CYBC1: variants seen among roughly 807,000 people sequenced by gnomAD.
CYBC1 encodes cytochrome b-245 chaperone 1.
In CYBC1, 22 loss-of-function variants were observed where a neutral mutation model predicts 21.7. The observed-to-expected ratio is 1.02, with a 90% CI of 0.73 to 1.45. The LOEUF (loss-of-function observed/expected upper bound fraction) is 1.45. Among genes scored for constraint, CYBC1 ranks in the 40% most tolerant of loss-of-function variants. CYBC1 has a pLI of 0.00. For missense variants in CYBC1, 237 were observed against 242.1 expected, an observed-to-expected ratio of 0.98 and a Z score of 0.14; for synonymous variants, 112 against 98.7, an observed-to-expected ratio of 1.13 and a Z score of -0.80.
Position 82,442,963 on chromosome 17 carries a change from T to G in CYBC1, c.*1041A>C. On this transcript the variant is annotated 3_prime_UTR_variant, in exon 7 of 7. Coordinates refer to ENST00000306645, the MANE Select transcript of CYBC1 (RefSeq NM_001033046.4). The surrounding 1 kb of genome is among the most constrained non-coding windows in gnomAD (Gnocchi z 6.8). The stretch of plus-strand genomic sequence containing the variant: ...GTCAGGATGGTTGGCGTTCAGCTCC[T>G]ACGGGGTGGGGAGAAGTCTGTAGCC... 1 of 217,884 alleles carries G rather than the reference T, an allele frequency of 4.6e-6. No individual in the cohort carries two copies. The allele number at this position is 217,884 out of a possible 1,614,324, so 13.5% of individuals were successfully genotyped here.
intron 4 of CYBC1, 30 bp downstream of exon 4, chr17:82,446,593 G>C (rs972878530): frequency 6.2e-7 from 1 of 1,609,652 alleles, no homozygotes. Context: ...AACAGCCCTG[G>C]ACTCTGTCCC....
chr17:82,446,531 C>T, intron 4 of CYBC1, 92 bp downstream of exon 4: 1 of 1,312,030 alleles, frequency 7.6e-7, no homozygotes, highest in Middle Eastern at 1.8e-4. Flanking sequence ...CGCTAGGCCA[C>T]CCAGGGCCCT....
intron 2 of CYBC1, 91 bp from the exon 3 acceptor site, chr17:82,447,712 G>C: frequency 8.6e-7 from 1 of 1,157,422 alleles, no homozygotes. Context: ...CCCCTGATGA[G>C]CAGGCCCTTC....
rs1226987729 is a variant in CYBC1, at chr17:82,446,693, C to T, written c.131G>A (p.Ser44Asn). ...GACGTAGAAGAGCTTCCAGCCCAGGCTATCTGGAGATGGGCATAGGGCGCC... is the reference window on the plus strand; with the variant it reads ...GACGTAGAAGAGCTTCCAGCCCAGGTTATCTGGAGATGGGCATAGGGCGCC... ...GLAAAYYSGD[S>N]LGWKLFYVTG... Residue 44 changes from serine to asparagine, a missense_variant, in exon 4 of 7, where the codon AGC (serine) becomes AAC (asparagine). Ser to Asn is a conservative substitution (Grantham distance 46). Transcript: ENST00000306645. 2 of 1,613,992 alleles carry T rather than the reference C, an allele frequency of 1.2e-6. No individual in the cohort carries two copies. Among genetic ancestry groups the T allele is most frequent in the Non-Finnish European group, 1.7e-6 (2 of 1,180,014 alleles).
chr17:82,447,367 AAG>A (rs1190391610), intron 3 of CYBC1: 67 of 577,142 alleles, frequency 1.2e-4, no homozygotes, highest in African/African-American at 6.5e-4. Flanking sequence ...AAAAAAAAAA[AAG>A]AAGTGAAATG....
Position 82,449,190 on chromosome 17 carries a change from C to A in CYBC1, c.65G>T (p.Arg22Leu). ...RLHLKRAPGIRSWSLLVGILS... is the reference protein window; with the variant it reads ...RLHLKRAPGILSWSLLVGILS... ...CTTACCAACCAGCAGGGACCAGGAC[C>A]GGATGCCTGGAGCCCTCTTCAGATG... is the stretch of plus-strand genomic sequence containing the variant. Residue 22 changes from arginine (R) to leucine (L), a missense_variant, in exon 2 of 7, where the codon CGG (arginine) becomes CTG (leucine). Transcript: ENST00000306645. 3 of 1,580,722 alleles carry A rather than the reference C, an allele frequency of 1.9e-6. No individual in the cohort carries two copies. The highest frequency in any genetic ancestry group is 2.3e-5 in the East Asian group (1 of 43,316).
rs552464473 is a variant in CYBC1 at position 82,444,857 on chromosome 17, C to T, written c.299-266G>A. The T allele has an allele frequency of 2.3e-4, 113 of 482,136 alleles. 1 individual carries two copies. The Middle Eastern group carries it at 5.5e-3, about 23-fold the overall frequency. The allele number at this position is 482,136 out of a possible 1,614,324, so 29.9% of individuals were successfully genotyped here. ...CTGGTTCTCCTGGGAGTGCCGACTG[C>T]GGGGACCCGCTCAGCGCGAGGCCAT... On this transcript the variant is annotated intron_variant, in intron 5 of 6. Coordinates refer to ENST00000306645, the MANE Select transcript of CYBC1 (RefSeq NM_001033046.4).
Position 82,449,285 on chromosome 17 carries a change from G to C in CYBC1, c.-31C>G. 5 of 1,499,524 alleles carry C rather than the reference G, an allele frequency of 3.3e-6. No individual in the cohort carries two copies. Among genetic ancestry groups the C allele is most frequent in the Non-Finnish European group, 3.6e-6 (4 of 1,119,048 alleles). 92.9% of individuals were successfully genotyped at this position (1,499,524 alleles called of 1,614,324 possible). Reference sequence around the variant, plus strand: ...GAGGGCAGCACCACTCTCTACAGGAGGAGGGGTCTGGGAACAGACAGAGGC... The same window carrying C: ...GAGGGCAGCACCACTCTCTACAGGACGAGGGGTCTGGGAACAGACAGAGGC... On this transcript the variant is annotated 5_prime_UTR_variant, in exon 2 of 7. Coordinates refer to ENST00000306645, the MANE Select transcript of CYBC1 (RefSeq NM_001033046.4).
intron 3 of CYBC1, chr17:82,447,049 A>G (rs986294965): frequency 5.5e-6 from 2 of 365,780 alleles, no homozygotes; most frequent in African/African-American, 2.1e-5. Context: ...CCAAAAACAC[A>G]GAAGACTTAA....
chr17:82,447,318 A>C (rs921272104), intron 3 of CYBC1: 2 of 518,446 alleles, frequency 3.9e-6, no homozygotes, highest in Admixed American at 3.3e-5. Context: ...CCGCCACTGC[A>C]CTCCAGCCTG....
rs1183430211 is a variant in CYBC1, at chr17:82,445,888, GAGTC to G, written c.270_273del (p.Thr91PhefsTer19). On this transcript the variant is annotated frameshift_variant, in exon 5 of 7. Transcript: ENST00000306645. LOFTEE classifies it high-confidence loss of function. ...CCCTGGTCGTGGCCAGCTCTGAAAA[GAGTC>G]AGCAGCTTCTTGTAGAGGCTGAACG... The G allele has an allele frequency of 6.2e-7, 1 of 1,613,030 alleles. No individual in the cohort carries two copies. The highest frequency in any genetic ancestry group is 8.5e-7 in the Non-Finnish European group (1 of 1,179,540).
At chr17:82,447,397 A>G (rs1313740249) in intron 3 of CYBC1, 183 bp downstream of exon 3, 1 of 625,604 alleles carries the variant, frequency 1.6e-6, no homozygotes, top group African/African-American at 1.8e-5. Context: ...AGCGCTGGGC[A>G]GGATGGGCGT....
In CYBC1 at chr17:82,446,610, G is replaced by A. The variant is rs201461354; in HGVS notation, c.201+13C>T. The stretch of plus-strand genomic sequence containing the variant: ...CAGCCCTGGACTCTGTCCCGCACCC[G>A]AGCCGGCCTTACCTCCCAGTCCTCC... On this transcript the variant is annotated intron_variant, in intron 4 of 6. Coordinates refer to ENST00000306645, the MANE Select transcript of CYBC1 (RefSeq NM_001033046.4). 8.7e-6 allele frequency: 14 copies of A among 1,613,878 alleles called. No individual in the cohort carries two copies. The highest frequency in any genetic ancestry group is 1.2e-5 in the Non-Finnish European group (14 of 1,179,872).
In CYBC1 at chr17:82,447,582, C is replaced by T; in HGVS notation, c.125G>A (p.Gly42Glu). The T allele has an allele frequency of 1.2e-6, 2 of 1,601,258 alleles. No homozygotes were observed. The highest frequency in any genetic ancestry group is 1.7e-6 in the Non-Finnish European group (2 of 1,175,986). ...GGGTGGGGCGGGGGGTGCTTTACCT[C>T]CGCTGTAGTAGGCAGCAGCCAGGCC... ...SIGLAAAYYS[G>E]DSLGWKLFYV... Residue 42 changes from glycine (G) to glutamate (E), a missense_variant and splice_region_variant, in exon 3 of 7, where the codon GGA (glycine) becomes GAA (glutamate). Coordinates refer to ENST00000306645, the MANE Select transcript of CYBC1 (RefSeq NM_001033046.4).
intron 2 of CYBC1, 67 bp downstream of exon 2, chr17:82,449,103 T>C: frequency 8.1e-7 from 1 of 1,235,636 alleles, no homozygotes; most frequent in Non-Finnish European, 1.1e-6. Context: ...TTTTGTTTCA[T>C]TTTCATCCTT....
intron 2 of CYBC1, chr17:82,448,911 GAAA>G (rs1434734038): frequency 8.2e-6 from 4 of 487,114 alleles, no homozygotes; most frequent in African/African-American, 4.0e-5. Flanking sequence ...AAGTACAAAG[GAAA>G]ATATGGTGAC....
At chr17:82,450,352 T>TC (rs1426807622) in intron 1 of CYBC1, 1 of 152,174 alleles carries the variant, frequency 6.6e-6, no homozygotes, top group African/African-American at 2.4e-5. Flanking sequence ...CTGGGCTCCC[T>TC]CCCGGGCCTC....
rs1452547125 is a variant in CYBC1, at chr17:82,449,199, G to C, written c.56C>G (p.Pro19Arg). 6.3e-7 allele frequency: 1 copy of C among 1,583,044 alleles called. No individual in the cohort carries two copies. Among genetic ancestry groups the C allele is most frequent in the Non-Finnish European group, 8.6e-7 (1 of 1,164,926 alleles). ...CAGCAGGGACCAGGACCGGATGCCT[G>C]GAGCCCTCTTCAGATGGAGGCGGGA... is the stretch of plus-strand genomic sequence containing the variant. ...TSSRLHLKRAPGIRSWSLLVG... is the reference protein window; with the variant it reads ...TSSRLHLKRARGIRSWSLLVG... Residue 19 changes from proline to arginine, a missense_variant, in exon 2 of 7, where the codon CCA (proline) becomes CGA (arginine). By Grantham distance (103) the Pro-to-Arg change is moderately radical (BLOSUM62 -2). Coordinates refer to ENST00000306645, the MANE Select transcript of CYBC1 (RefSeq NM_001033046.4).
chr17:82,447,706 T>A, intron 2 of CYBC1, 85 bp from the exon 3 acceptor site: 1 of 1,223,688 alleles, frequency 8.2e-7, no homozygotes, highest in Non-Finnish European at 1.2e-6. Flanking sequence ...CCACAGCCCC[T>A]GATGAGCAGG....
Sources: gnomAD v4.1 joint callset for allele counts on GRCh38, gnomAD v4.1.1 for gene constraint, Gnocchi (gnomAD v3.1) non-coding constraint, MANE v1.5 for transcripts, NCBI Gene and HGNC (gene_info 2026-07-23, HGNC 2026-07-21) for gene names.